Variants in ADGRD1 observed in about 807,000 individuals in gnomAD.
ADGRD1 encodes adhesion G protein-coupled receptor D1.
ADGRD1 carries 77 observed loss-of-function variants against 113.4 expected under a neutral mutation model. The observed-to-expected ratio is 0.68, with a 90% CI of 0.57 to 0.82. The LOEUF (loss-of-function observed/expected upper bound fraction) is 0.82, where lower values mean the gene tolerates loss of function less well. Ranked by LOEUF, ADGRD1 falls within the 40% of genes least tolerant of loss-of-function variation. The pLI, the probability that ADGRD1 is intolerant of heterozygous loss-of-function variation, is 0.00. For synonymous variants in ADGRD1, 474 were observed against 475.0 expected, an observed-to-expected ratio of 1.00 and a Z score of 0.03; for missense variants, 1,036 against 1,139.1, an observed-to-expected ratio of 0.91 and a Z score of 1.30.
chr12:131,034,184 C>G (rs1047042898), intron 13 of ADGRD1, among the ~76,000 whole-genome samples: 1 of 152,244 alleles, frequency 6.6e-6, no homozygotes, highest in African/African-American at 2.4e-5. Context: ...CCCTTCTTCC[C>G]CTGCCCACCC....
rs1161190385 is a variant in ADGRD1 at position 131,057,620 on chromosome 12, A to G, written c.1474-19181A>G. 6.6e-6 allele frequency among the ~76,000 whole-genome samples: 1 copy of G among 152,104 alleles called. No individual in the cohort carries two copies. The highest frequency in any genetic ancestry group is 1.5e-5 in the Non-Finnish European group (1 of 68,028). On this transcript the variant is annotated intron_variant, in intron 13 of 24. Transcript: ENST00000261654. The surrounding 1 kb of genome is among the most constrained non-coding windows in gnomAD (Gnocchi z 4.2). ...CCCACGGCCTCCTCTTCCGTGTGTCATTGTCCTTTCCCGCAGTGTACGAGG... is the reference window on the plus strand; with the variant it reads ...CCCACGGCCTCCTCTTCCGTGTGTCGTTGTCCTTTCCCGCAGTGTACGAGG...
chr12:131,129,391 AG>A, intron 20 of ADGRD1, among the ~76,000 whole-genome samples: 5 of 121,422 alleles, frequency 4.1e-5, no homozygotes, highest in Non-Finnish European at 5.1e-5. Flanking sequence ...TGTGAGTGAC[AG>A]GCCCGCCCTG....
At chr12:131,059,352 T>G (rs1199192623) in intron 13 of ADGRD1, among the ~76,000 whole-genome samples, 1 of 152,132 alleles carries the variant, frequency 6.6e-6, no homozygotes, top group Admixed American at 6.5e-5. Flanking sequence ...CTAATTTTTT[T>G]GTATTTTTAG....
At chr12:130,964,072 T>C (rs1870728360) in intron 2 of ADGRD1, among the ~76,000 whole-genome samples, 1 of 152,200 alleles carries the variant, frequency 6.6e-6, no homozygotes, top group Non-Finnish European at 1.5e-5. Flanking sequence ...TTCTTTTTCA[T>C]TGAACTATTT....
intron 13 of ADGRD1, chr12:131,030,443 C>G (rs1437558316): frequency 6.5e-6 from 1 of 152,716 alleles, no homozygotes; most frequent in Non-Finnish European, 1.5e-5. Flanking sequence ...GAATGCATCC[C>G]CAACGTTGCA....
At chr12:131,136,513 G>T (rs1430568477) in intron 22 of ADGRD1, among the ~76,000 whole-genome samples, 2 of 152,236 alleles carry the variant, frequency 1.3e-5, no homozygotes, top group African/African-American at 2.4e-5. Context: ...GAAGGGCCAG[G>T]GAGGGTCATC....
intron 9 of ADGRD1, chr12:131,002,896 G>A (rs1876574050): frequency 2.9e-6 from 3 of 1,050,178 alleles, no homozygotes; most frequent in South Asian, 3.1e-5. Flanking sequence ...GAGGAGGCAG[G>A]ACCAGGAGTT....
chr12:131,062,851 G>A (rs778907312), intron 13 of ADGRD1, among the ~76,000 whole-genome samples: 42 of 152,124 alleles, frequency 2.8e-4, no homozygotes, highest in Non-Finnish European at 8.8e-5. Flanking sequence ...TTTCCAGAGT[G>A]TCTGTACCTT....
At chr12:131,005,308 C>T (rs952480309) in intron 11 of ADGRD1, among the ~76,000 whole-genome samples, 1 of 152,226 alleles carries the variant, frequency 6.6e-6, no homozygotes, top group Admixed American at 6.5e-5. Flanking sequence ...AGGGATGGTG[C>T]CGACATCTAC....
In ADGRD1 at chr12:131,129,427, C is replaced by T. The variant is rs544452708; in HGVS notation, c.2176-2298C>T. Among the ~76,000 whole-genome samples, 217 of 132,160 alleles carry T rather than the reference C, an allele frequency of 1.6e-3. 7 individuals carry two copies. Among genetic ancestry groups the T allele is most frequent in the Non-Finnish European group, 3.0e-3 (182 of 59,724 alleles). 86.7% of individuals were successfully genotyped at this position (132,160 alleles called of 152,430 possible). On this transcript the variant is annotated intron_variant, in intron 20 of 24. Coordinates refer to ENST00000261654, the MANE Select transcript of ADGRD1 (RefSeq NM_198827.5). Reference sequence around the variant, plus strand: ...GCTGTCTGGGTGTGAGTGACAGGCCCGCCCTGCTGTCTGGGTGTGACAGGC... The same window carrying T: ...GCTGTCTGGGTGTGAGTGACAGGCCTGCCCTGCTGTCTGGGTGTGACAGGC...
rs566907499 is a variant in ADGRD1 at position 131,000,398 on chromosome 12, G to A, written c.982G>A (p.Val328Met). 1.8e-5 allele frequency: 29 copies of A among 1,613,088 alleles called. No homozygotes were observed. The South Asian group carries it at 2.4e-4, about 13-fold the overall frequency. The change falls in exon 9 of 25, where the codon GTG becomes ATG. Residue 328 changes from valine (V) to methionine (M), a missense_variant. Transcript: ENST00000261654. ...CCACCTTTAGACCTTCTTAAAAGCC[G>A]TGGGAGAGATCCTTCTACTGCCTGG... ...LNLTKTFLKA[V>M]GEILLLPGWI...
intron 13 of ADGRD1, among the ~76,000 whole-genome samples, chr12:131,046,423 C>CCTCCCTGGTCAGTGTCCTCT (rs1478398912): frequency 8.8e-6 from 1 of 113,052 alleles, no homozygotes; most frequent in Non-Finnish European, 1.8e-5. Flanking sequence ...GTCAGCGCTC[C>CCTCCCTGGTCAGTGTCCTCT]CTCCCTGGTC....
At position 130,966,481 on chromosome 12, in the gene ADGRD1, C is replaced by T; in HGVS notation, c.122C>T (p.Ser41Phe). Residue 41 changes from serine (S) to phenylalanine (F), a missense_variant, in exon 3 of 25, where the codon TCT (serine) becomes TTT (phenylalanine). Transcript: ENST00000261654. The surrounding 1 kb of genome is among the most constrained non-coding windows in gnomAD (Gnocchi z 4.6). ...QDHPGFQVLASASHYWPLENV... is the reference protein window; with the variant it reads ...QDHPGFQVLAFASHYWPLENV... ...CCCCAAGGATTTCAGGTGTTGGCGT[C>T]TGCTTCCCATTACTGGCCACTGGAG... The T allele has an allele frequency of 6.2e-7, 1 of 1,609,338 alleles. No individual in the cohort carries two copies.
intron 16 of ADGRD1, 110 bp downstream of exon 16, chr12:131,105,044 C>T: frequency 1.3e-6 from 1 of 776,530 alleles, no homozygotes; most frequent in East Asian, 2.9e-5. Context: ...GTAAGAGCAC[C>T]AGGCTTAGCT....
chr12:131,110,557 T>G (rs1290612735), intron 18 of ADGRD1, among the ~76,000 whole-genome samples: 6 of 152,250 alleles, frequency 3.9e-5, no homozygotes, highest in Admixed American at 1.3e-4. Context: ...AATACATTTT[T>G]GTAACTATTT....
At chr12:130,974,546 G>A (rs553614380) in intron 4 of ADGRD1, among the ~76,000 whole-genome samples, 17 of 152,110 alleles carry the variant, frequency 1.1e-4, no homozygotes, top group African/African-American at 2.7e-4. Flanking sequence ...CGAGTCCTCC[G>A]CCACACTTAT....
chr12:131,110,987 G>T (rs1418528663), intron 18 of ADGRD1, among the ~76,000 whole-genome samples: 2 of 152,068 alleles, frequency 1.3e-5, no homozygotes, highest in Non-Finnish European at 2.9e-5. Context: ...AATCTTACTG[G>T]GGTCCCTTGT....
intron 18 of ADGRD1, among the ~76,000 whole-genome samples, chr12:131,117,521 G>A (rs1044406084): frequency 5.3e-5 from 8 of 152,162 alleles, no homozygotes; most frequent in African/African-American, 1.7e-4. Flanking sequence ...CCTCTTAGGG[G>A]CTCCGTAGAA....
chr12:131,079,635 C>T (rs1265283812), intron 14 of ADGRD1, among the ~76,000 whole-genome samples: 1 of 152,212 alleles, frequency 6.6e-6, no homozygotes, highest in Admixed American at 6.5e-5. Flanking sequence ...TTTTCAACTA[C>T]ACATTCAGTT....
Sources: gnomAD v4.1 joint callset for allele counts (sites outside exome capture counted in the v4.1 genomes callset) on GRCh38, gnomAD v4.1.1 for gene constraint, Gnocchi (gnomAD v3.1) non-coding constraint, MANE v1.5 for transcripts, NCBI Gene and HGNC (gene_info 2026-07-23, HGNC 2026-07-21) for gene names.